Variants in KLHL2 observed in about 807,000 individuals in gnomAD.
KLHL2 encodes kelch-like protein 2.
A neutral mutation model predicts 75.8 loss-of-function variants in KLHL2; 15 were observed. That is an observed-to-expected ratio of 0.20 (90% CI 0.13 to 0.30). The LOEUF (loss-of-function observed/expected upper bound fraction) is 0.30, where lower values mean the gene tolerates loss of function less well. KLHL2 is among the 10% of genes least tolerant of loss of function. The pLI, the probability that KLHL2 is intolerant of heterozygous loss-of-function variation, is 1.00. For synonymous variants in KLHL2, 214 were observed against 251.9 expected (o/e 0.85, Z 1.42); for missense variants, 381 against 741.0 (o/e 0.51, Z 5.64).
At chr4:165,268,440 G>A (rs1352793346) in intron 5 of KLHL2, among the ~76,000 whole-genome samples, 2 of 152,100 alleles carry the variant, frequency 1.3e-5, no homozygotes, top group East Asian at 3.8e-4. Context: ...GCTTTCTCTT[G>A]TGGGCATTTA....
intron 9 of KLHL2, among the ~76,000 whole-genome samples, chr4:165,308,993 G>A (rs1192423422): frequency 2.0e-5 from 3 of 152,142 alleles, no homozygotes; most frequent in Non-Finnish European, 2.9e-5. Flanking sequence ...AAGACAGTAA[G>A]GGGCAGAGGT....
chr4:165,245,785 A>T (rs954166690), intron 4 of KLHL2, among the ~76,000 whole-genome samples: 4 of 152,122 alleles, frequency 2.6e-5, no homozygotes, highest in African/African-American at 9.7e-5. Flanking sequence ...TCAGGTATGG[A>T]TGAAGAACCA....
At chr4:165,301,703 A>G (rs1745360485) in intron 8 of KLHL2, among the ~76,000 whole-genome samples, 1 of 152,138 alleles carries the variant, frequency 6.6e-6, no homozygotes, top group East Asian at 1.9e-4. Flanking sequence ...TTATTTTATT[A>G]TTTTATGTAA....
chr4:165,240,098 G>A (rs774092572), intron 4 of KLHL2, among the ~76,000 whole-genome samples: 10 of 152,118 alleles, frequency 6.6e-5, no homozygotes, highest in Non-Finnish European at 1.5e-4. Context: ...TGGAATTGGT[G>A]GATCAAAGAG....
intron 12 of KLHL2, 111 bp downstream of exon 12, chr4:165,313,477 A>G: frequency 1.1e-6 from 1 of 940,042 alleles, no homozygotes; most frequent in Non-Finnish European, 1.5e-6. Context: ...TGATATGCTG[A>G]TTTTAGTGGC....
At chr4:165,233,455 T>C (rs1739077313) in intron 3 of KLHL2, among the ~76,000 whole-genome samples, 1 of 151,796 alleles carries the variant, frequency 6.6e-6, no homozygotes, top group African/African-American at 2.4e-5. Context: ...TAGCCTTTTT[T>C]TTGGTGTGCT....
chr4:165,310,841 G>A (rs934314604), intron 10 of KLHL2, 91 bp downstream of exon 10: 3 of 921,066 alleles, frequency 3.3e-6, no homozygotes, highest in African/African-American at 3.4e-5. Flanking sequence ...TAGGGCACAT[G>A]TGAGGTTTTT....
intron 5 of KLHL2, among the ~76,000 whole-genome samples, chr4:165,288,897 T>C (rs1264260996): frequency 6.6e-6 from 1 of 151,898 alleles, no homozygotes; most frequent in East Asian, 1.9e-4. Flanking sequence ...GGAATGTTCA[T>C]GTTACATCAT....
intron 1 of KLHL2, among the ~76,000 whole-genome samples, chr4:165,212,542 C>T (rs1403378229): frequency 6.6e-6 from 1 of 152,156 alleles, no homozygotes; most frequent in African/African-American, 2.4e-5. Flanking sequence ...TCTGATTTTA[C>T]CTTGAAAAAC....
intron 5 of KLHL2, chr4:165,279,744 G>C (rs146458123): frequency 7.6e-6 from 7 of 921,586 alleles, no homozygotes; most frequent in Admixed American, 7.1e-5. Flanking sequence ...GCGAGGCCGC[G>C]CGAGTCCGCT....
At chr4:165,282,625 G>A (rs1743784038) in intron 5 of KLHL2, among the ~76,000 whole-genome samples, 1 of 152,002 alleles carries the variant, frequency 6.6e-6, no homozygotes, top group Admixed American at 6.6e-5. Context: ...GCAAGCAGTG[G>A]TTGAAGGACA....
intron 9 of KLHL2, 22 bp downstream of exon 9, chr4:165,305,747 C>T: frequency 6.9e-7 from 1 of 1,441,444 alleles, no homozygotes; most frequent in Non-Finnish European, 9.8e-7. Context: ...GCATCATGGT[C>T]AATTCTCTAC....
intron 8 of KLHL2, among the ~76,000 whole-genome samples, chr4:165,302,022 T>C (rs1038033533): frequency 2.0e-5 from 3 of 152,240 alleles, no homozygotes; most frequent in Admixed American, 1.3e-4. Flanking sequence ...AGGACTCCTA[T>C]AGCTGTGTTA....
Position 165,305,602 on chromosome 4 carries a change from T to G in KLHL2, c.922-6T>G. 1 of 1,607,918 alleles carries G rather than the reference T, an allele frequency of 6.2e-7. No individual in the cohort carries two copies. The highest frequency in any genetic ancestry group is 8.5e-7 in the Non-Finnish European group (1 of 1,174,406). ...TGTTCAAGTGCTTACATTTCTGCCCTTGTAGTTGATGGTGGTGGTTGGGGG... is the reference window on the plus strand; with the variant it reads ...TGTTCAAGTGCTTACATTTCTGCCCGTGTAGTTGATGGTGGTGGTTGGGGG... On this transcript the variant is annotated splice_polypyrimidine_tract_variant and splice_region_variant and intron_variant, in intron 8 of 14. Coordinates refer to ENST00000226725, the MANE Select transcript of KLHL2 (RefSeq NM_007246.4).
At chr4:165,237,106 T>C (rs1211868727) in intron 3 of KLHL2, among the ~76,000 whole-genome samples, 1 of 150,286 alleles carries the variant, frequency 6.7e-6, no homozygotes. Context: ...TTGTCTCAAG[T>C]CCAAGTGGGA....
chr4:165,251,616 T>TTG (rs1740707102), intron 4 of KLHL2, among the ~76,000 whole-genome samples: 1 of 85,732 alleles, frequency 1.2e-5, no homozygotes, highest in Non-Finnish European at 3.0e-5. Flanking sequence ...TTTTTTTTTG[T>TTG]TTTTTTTTTT....
At chr4:165,268,893 T>C (rs1212942406) in intron 5 of KLHL2, among the ~76,000 whole-genome samples, 2 of 152,216 alleles carry the variant, frequency 1.3e-5, no homozygotes, top group African/African-American at 4.8e-5. Context: ...GTCTCGTTGA[T>C]CTGTCTAATA....
At chr4:165,247,839 C>T (rs1740385806) in intron 4 of KLHL2, among the ~76,000 whole-genome samples, 1 of 152,114 alleles carries the variant, frequency 6.6e-6, no homozygotes, top group South Asian at 2.1e-4. Flanking sequence ...GAAGTGTAGT[C>T]GAATTGTCAG....
At chr4:165,267,346 A>G (rs1742318924) in intron 5 of KLHL2, among the ~76,000 whole-genome samples, 3 of 152,290 alleles carry the variant, frequency 2.0e-5, no homozygotes, top group South Asian at 4.1e-4. Context: ...TTCCAACACT[A>G]TGTGGAATAG....
Sources: gnomAD v4.1 joint callset for allele counts (sites outside exome capture counted in the v4.1 genomes callset) on GRCh38, gnomAD v4.1.1 for gene constraint, MANE v1.5 for transcripts, NCBI Gene and HGNC (gene_info 2026-07-23, HGNC 2026-07-21) for gene names.